Variants in CACNA1H observed in about 807,000 individuals in gnomAD.
The protein encoded by CACNA1H is calcium voltage-gated channel subunit alpha1 H.
A neutral mutation model predicts 192.5 loss-of-function variants in CACNA1H; 149 were observed. The observed-to-expected ratio is 0.77, with a 90% CI of 0.68 to 0.89. The LOEUF (loss-of-function observed/expected upper bound fraction) is 0.89. Ranked by LOEUF, CACNA1H falls within the 40% of genes least tolerant of loss-of-function variation. The pLI, the probability that CACNA1H is intolerant of heterozygous loss-of-function variation, is 0.00. For synonymous variants in CACNA1H, 2,202 were observed against 1,475.2 expected, an observed-to-expected ratio of 1.49 and a Z score of -11.29; for missense variants, 4,257 against 3,423.5, an observed-to-expected ratio of 1.24 and a Z score of -6.08.
intron 16 of CACNA1H, 120 bp from the exon 17 acceptor site, chr16:1,208,912 C>T (rs1969085352): frequency 9.0e-7 from 1 of 1,108,010 alleles, no homozygotes; most frequent in Non-Finnish European, 1.2e-6. Flanking sequence ...ACCGTGCCTC[C>T]CTGGCGGGGC....
chr16:1,189,175 TCTC>T (rs1481381152), intron 2 of CACNA1H, among the ~76,000 whole-genome samples: 4 of 151,690 alleles, frequency 2.6e-5, no homozygotes, highest in East Asian at 1.9e-4. Context: ...GAAAAGCTGT[TCTC>T]CTCCCGGAGA....
chr16:1,218,792 G>A (rs1934154806), intron 33 of CACNA1H, 141 bp downstream of exon 33: 2 of 1,142,760 alleles, frequency 1.8e-6, no homozygotes, highest in African/African-American at 1.5e-5. Context: ...GGGCAGGCAG[G>A]AGGGAGGATG....
At chr16:1,202,959 G>T (rs1370417798) in intron 9 of CACNA1H, among the ~76,000 whole-genome samples, 2 of 152,224 alleles carry the variant, frequency 1.3e-5, no homozygotes, top group South Asian at 2.1e-4. Flanking sequence ...CGGGGCCTGG[G>T]CCTCTGTCCA....
chr16:1,195,128 G>A (rs762268618), intron 3 of CACNA1H, 45 bp downstream of exon 3: 6 of 976,570 alleles, frequency 6.1e-6, no homozygotes, highest in Admixed American at 5.3e-5. Flanking sequence ...GGGTCGCTAC[G>A]AGGTTTATGG....
In CACNA1H at chr16:1,221,243, C is replaced by A; in HGVS notation, c.*249C>A. 2.0e-6 allele frequency: 1 copy of A among 488,506 alleles called. No individual in the cohort carries two copies. The allele number at this position is 488,506 out of a possible 1,614,324, so 30.3% of individuals were successfully genotyped here. A position where few individuals can be genotyped will look rare whatever the true frequency, so the allele number is the denominator to read the frequency against. On this transcript the variant is annotated 3_prime_UTR_variant, in exon 35 of 35. Coordinates refer to ENST00000348261, the MANE Select transcript of CACNA1H (RefSeq NM_021098.3). ...TTGCTACCAGCCGAGGCTGTGCGGG[C>A]AACTGGGTCAGCCTCCCGTCAGGAG... is the stretch of plus-strand genomic sequence containing the variant.
At chr16:1,196,726 G>C (rs1053373487) in intron 5 of CACNA1H, among the ~76,000 whole-genome samples, 1 of 152,198 alleles carries the variant, frequency 6.6e-6, no homozygotes, top group African/African-American at 2.4e-5. Flanking sequence ...TGGGTGTGAG[G>C]GGAGGCGGAG....
intron 5 of CACNA1H, among the ~76,000 whole-genome samples, chr16:1,197,550 G>A (rs974859580): frequency 7.2e-5 from 11 of 152,228 alleles, no homozygotes; most frequent in African/African-American, 2.7e-4. Context: ...TCATAATGAG[G>A]ACACGCTCAG....
In CACNA1H at chr16:1,220,004, G is replaced by C. The variant is rs1970355640; in HGVS notation, c.6072G>C (p.Leu2024Phe). The C allele has an allele frequency of 7.4e-7, 1 of 1,350,830 alleles. No individual in the cohort carries two copies. The highest frequency in any genetic ancestry group is 2.0e-4 in the Middle Eastern group (1 of 5,088). 83.7% of individuals were successfully genotyped at this position (1,350,830 alleles called of 1,614,324 possible). A position where few individuals can be genotyped will look rare whatever the true frequency, so the allele number is the denominator to read the frequency against. ...CRQEAVHTDS[L>F]EGKIDSPRDT... ...AGGAGGCTGTGCACACCGATTCCTT[G>C]GAAGGGAAGATTGACAGCCCTAGGG... The change falls in exon 35 of 35, where the codon TTG becomes TTC. Residue 2024 changes from leucine (L) to phenylalanine (F), a missense_variant. Physicochemically the swap from Leu to Phe is conservative, Grantham distance 22. Coordinates refer to ENST00000348261, the MANE Select transcript of CACNA1H (RefSeq NM_021098.3).
intron 4 of CACNA1H, 135 bp downstream of exon 4, chr16:1,195,700 C>G (rs1253855313): frequency 8.7e-7 from 1 of 1,146,464 alleles, no homozygotes; most frequent in Admixed American, 2.2e-5. Flanking sequence ...GGGACCCTGT[C>G]TGGGACTCCG....
intron 2 of CACNA1H, among the ~76,000 whole-genome samples, chr16:1,165,673 C>T (rs958518164): frequency 2.0e-5 from 3 of 152,228 alleles, no homozygotes; most frequent in Non-Finnish European, 2.9e-5. Flanking sequence ...GGTGGCTGCA[C>T]GCTGGGGTCA....
chr16:1,207,506 T>C, intron 14 of CACNA1H, 76 bp downstream of exon 14: 2 of 1,462,944 alleles, frequency 1.4e-6, no homozygotes, highest in Admixed American at 3.8e-5. Context: ...AGGGGAGGGG[T>C]GTGGGGGGCC....
chr16:1,201,079 C>T (rs988220998), intron 8 of CACNA1H, among the ~76,000 whole-genome samples: 33 of 152,208 alleles, frequency 2.2e-4, no homozygotes, highest in Non-Finnish European at 1.5e-4. Flanking sequence ...CTCCCAGCAC[C>T]GCTTTCCACG....
Position 1,206,992 on chromosome 16 carries a change from C to T in CACNA1H, c.2790-9C>T, listed in dbSNP as rs1477219178. On this transcript the variant is annotated splice_polypyrimidine_tract_variant and intron_variant, in intron 12 of 34. Transcript: ENST00000348261. ...TCCACCCTCAACACGCCCCTGCCCC[C>T]ACCCTCAGCATCCTGGGCATGCACC... is the stretch of plus-strand genomic sequence containing the variant. The T allele has an allele frequency of 7.0e-6, 11 of 1,567,356 alleles. No homozygotes were observed. In the East Asian group the frequency reaches 9.3e-5, roughly 13 times the overall value.
intron 26 of CACNA1H, 67 bp downstream of exon 26, chr16:1,212,595 TC>T: frequency 1.3e-6 from 2 of 1,563,244 alleles, no homozygotes; most frequent in African/African-American, 1.4e-5. Flanking sequence ...AGGGCGGGCA[TC>T]CCAGGCCTGC....
chr16:1,178,380 C>G (rs1965129919), intron 2 of CACNA1H, among the ~76,000 whole-genome samples: 1 of 149,632 alleles, frequency 6.7e-6, no homozygotes, highest in Admixed American at 6.6e-5. Flanking sequence ...TAACCCACCC[C>G]CGAGTCCCCA....
chr16:1,215,299 GGAGATA>G lies in CACNA1H; in HGVS notation c.5103_5108del (p.Ile1701_Glu1702del). 6.2e-7 allele frequency: 1 copy of G among 1,610,272 alleles called. No individual in the cohort carries two copies. Among genetic ancestry groups the G allele is most frequent in the Non-Finnish European group, 8.5e-7 (1 of 1,178,746 alleles). ...TGTCACTCATGGGCATCACGCTGGA[GGAGATA>G]GAGATGAGCGCCGCGCTGCCCATCA... On this transcript the variant is annotated inframe_deletion, in exon 29 of 35. Transcript: ENST00000348261.
rs117329667 is a variant in CACNA1H at position 1,187,402 on chromosome 16, C to T, written c.300-7570C>T. ...GTCTGTGCCCTGCAAGGCATGGGGT[C>T]CTGAGTGGGGGGCTGTGGCCCACCT... On this transcript the variant is annotated intron_variant, in intron 2 of 34. Coordinates refer to ENST00000348261, the MANE Select transcript of CACNA1H (RefSeq NM_021098.3). 4.3e-3 allele frequency among the ~76,000 whole-genome samples: 657 copies of T among 152,312 alleles called. 8 individuals carry two copies. Among genetic ancestry groups the T allele is most frequent in the East Asian group, 0.037 (190 of 5,164 alleles).
At chr16:1,196,825 G>A (rs1967036023) in intron 5 of CACNA1H, among the ~76,000 whole-genome samples, 1 of 152,124 alleles carries the variant, frequency 6.6e-6, no homozygotes, top group Non-Finnish European at 1.5e-5. Context: ...GATGGGGTGG[G>A]ATCGTTCTTT....
At chr16:1,183,313 C>T (rs1380165026) in intron 2 of CACNA1H, among the ~76,000 whole-genome samples, 3 of 152,162 alleles carry the variant, frequency 2.0e-5, no homozygotes, top group Non-Finnish European at 4.4e-5. Context: ...TAGGACCTCA[C>T]CCCTTCCTGA....
Sources: gnomAD v4.1 joint callset for allele counts (sites outside exome capture counted in the v4.1 genomes callset) on GRCh38, gnomAD v4.1.1 for gene constraint, MANE v1.5 for transcripts, NCBI Gene and HGNC (gene_info 2026-07-23, HGNC 2026-07-21) for gene names.